CNTNAP5: variants seen among roughly 807,000 people sequenced by gnomAD.
CNTNAP5 encodes the protein contactin associated protein family member 5, also known as contactin-associated protein-like 5.
CNTNAP5 carries 72 observed loss-of-function variants against 150.2 expected under a neutral mutation model. That is an observed-to-expected ratio of 0.48 (90% confidence interval 0.40 to 0.58). CNTNAP5 has a LOEUF of 0.58. CNTNAP5 is among the 20% of genes least tolerant of loss of function. The pLI is 0.00. For missense variants in CNTNAP5, 1,636 were observed against 1,626.2 expected, an observed-to-expected ratio of 1.01 and a Z score of -0.10; for synonymous variants, 672 against 619.8, an observed-to-expected ratio of 1.08 and a Z score of -1.25.
chr2:124,040,599 G>T (rs1681342776), intron 1 of CNTNAP5, among the ~76,000 whole-genome samples: 1 of 146,650 alleles, frequency 6.8e-6, no homozygotes, highest in Non-Finnish European at 1.5e-5. Flanking sequence ...GCCTGTGTGT[G>T]CCTGTGTGCC....
At chr2:124,414,703 A>G (rs897359162) in intron 3 of CNTNAP5, among the ~76,000 whole-genome samples, 1 of 149,316 alleles carries the variant, frequency 6.7e-6, no homozygotes, top group Non-Finnish European at 1.5e-5. Context: ...TTGTTTTAAG[A>G]TGTGTGTATG....
intron 3 of CNTNAP5, among the ~76,000 whole-genome samples, chr2:124,265,887 C>T (rs1237838471): frequency 6.6e-6 from 1 of 151,958 alleles, no homozygotes; most frequent in East Asian, 1.9e-4. Context: ...AGTCAAACCT[C>T]CAAGCGGATA....
At chr2:124,336,142 C>A (rs891846233) in intron 3 of CNTNAP5, among the ~76,000 whole-genome samples, 1 of 151,982 alleles carries the variant, frequency 6.6e-6, no homozygotes, top group Non-Finnish European at 1.5e-5. Context: ...AAATGATATT[C>A]TTTGGAAATG....
chr2:124,876,655 C>T (rs1276116268), intron 21 of CNTNAP5, among the ~76,000 whole-genome samples: 1 of 151,920 alleles, frequency 6.6e-6, no homozygotes, highest in African/African-American at 2.4e-5. Flanking sequence ...AGTGACTCCT[C>T]TAAAAGATTA....
chr2:124,200,833 C>G (rs1474194715), intron 1 of CNTNAP5, among the ~76,000 whole-genome samples: 5 of 152,140 alleles, frequency 3.3e-5, no homozygotes, highest in African/African-American at 9.7e-5. Flanking sequence ...ATCTAATACC[C>G]AAATACTGAC....
intron 3 of CNTNAP5, among the ~76,000 whole-genome samples, chr2:124,335,732 G>A (rs1325135250): frequency 6.6e-6 from 1 of 151,846 alleles, no homozygotes; most frequent in Non-Finnish European, 1.5e-5. Context: ...GAGGCTGACT[G>A]GTAAAGGTCT....
chr2:124,896,341 T>C (rs1240405372), intron 21 of CNTNAP5, among the ~76,000 whole-genome samples: 1 of 151,496 alleles, frequency 6.6e-6, no homozygotes, highest in Non-Finnish European at 1.5e-5. Flanking sequence ...AAGAGATATT[T>C]ATTTTTTCAT....
intron 13 of CNTNAP5, among the ~76,000 whole-genome samples, chr2:124,651,526 G>C (rs761731739): frequency 2.0e-5 from 3 of 152,134 alleles, no homozygotes; most frequent in Non-Finnish European, 2.9e-5. Flanking sequence ...TCAGGAAACA[G>C]AAACTCAGAG....
intron 12 of CNTNAP5, among the ~76,000 whole-genome samples, chr2:124,622,165 A>C: frequency 1.4e-5 from 2 of 145,650 alleles, no homozygotes; most frequent in African/African-American, 2.5e-5. Flanking sequence ...TTCCCCCTCC[A>C]TGTGTCCATG....
chr2:124,166,440 G>A (rs1159148288), intron 1 of CNTNAP5, among the ~76,000 whole-genome samples: 1 of 152,202 alleles, frequency 6.6e-6, no homozygotes, highest in Non-Finnish European at 1.5e-5. Context: ...GAATGAGGAA[G>A]TGGGTATTGC....
intron 1 of CNTNAP5, among the ~76,000 whole-genome samples, chr2:124,148,297 T>TA (rs1166109119): frequency 2.2e-3 from 295 of 135,662 alleles, no homozygotes; most frequent in Middle Eastern, 3.7e-3. Flanking sequence ...AGACCCCCTC[T>TA]AAAAAAAAAA....
intron 17 of CNTNAP5, among the ~76,000 whole-genome samples, chr2:124,775,553 G>C (rs576441170): frequency 1.3e-5 from 2 of 152,262 alleles, no homozygotes; most frequent in African/African-American, 4.8e-5. Flanking sequence ...AGTGTTTCCT[G>C]AGTACCAGAA....
intron 19 of CNTNAP5, among the ~76,000 whole-genome samples, chr2:124,820,510 T>A (rs1279223152): frequency 1.4e-5 from 2 of 143,000 alleles, no homozygotes; most frequent in Non-Finnish European, 1.5e-5. Flanking sequence ...TTAGGAGAAA[T>A]AGAAGAAGGA....
intron 19 of CNTNAP5, among the ~76,000 whole-genome samples, chr2:124,821,827 G>A (rs1402761215): frequency 1.3e-5 from 2 of 152,154 alleles, no homozygotes; most frequent in Non-Finnish European, 2.9e-5. Flanking sequence ...TTCTGGGGAT[G>A]GGGCAAAGCC....
chr2:124,430,582 A>G (rs1692353520), intron 4 of CNTNAP5, among the ~76,000 whole-genome samples: 1 of 152,154 alleles, frequency 6.6e-6, no homozygotes, highest in South Asian at 2.1e-4. Flanking sequence ...CTGGAGACTG[A>G]AATTAATTAT....
At chr2:124,336,838 G>A (rs1323852489) in intron 3 of CNTNAP5, among the ~76,000 whole-genome samples, 1 of 151,890 alleles carries the variant, frequency 6.6e-6, no homozygotes, top group African/African-American at 2.4e-5. Context: ...TAAACATACT[G>A]GTGTGTGTGT....
chr2:124,343,445 A>G (rs909456604), intron 3 of CNTNAP5, among the ~76,000 whole-genome samples: 1 of 152,188 alleles, frequency 6.6e-6, no homozygotes, highest in Non-Finnish European at 1.5e-5. Context: ...TTAATTGTCC[A>G]AAAGTTAGTT....
chr2:124,693,651 A>G (rs1679343683), intron 13 of CNTNAP5, among the ~76,000 whole-genome samples: 1 of 152,070 alleles, frequency 6.6e-6, no homozygotes, highest in Non-Finnish European at 1.5e-5. Flanking sequence ...TGGCTGAGAC[A>G]CAGATGTACC....
chr2:124,222,175 C>A (rs1256756042), intron 2 of CNTNAP5, among the ~76,000 whole-genome samples: 3 of 151,830 alleles, frequency 2.0e-5, no homozygotes, highest in African/African-American at 7.3e-5. Context: ...AATTTTCTTT[C>A]AATAAGTTTA....
Sources: allele counts gnomAD v4.1 joint callset (sites outside exome capture counted in the v4.1 genomes callset), GRCh38; gene constraint gnomAD v4.1.1; transcripts MANE v1.5; gene names NCBI Gene and HGNC (gene_info 2026-07-23, HGNC 2026-07-21).